The following DGKB variants were observed in gnomAD, a reference collection of about 807,000 sequenced individuals.
The protein encoded by DGKB is 90 kDa diacylglycerol kinase.
A neutral mutation model predicts 114.3 loss-of-function variants in DGKB; 67 were observed. The observed-to-expected ratio is 0.59, with a 90% CI of 0.48 to 0.72. DGKB has a LOEUF of 0.72. DGKB is among the 30% of genes least tolerant of loss of function. The probability of loss-of-function intolerance (pLI) is 0.00; values close to 1 mark genes in which losing one functional copy is unlikely to be tolerated. For synonymous variants in DGKB, 398 were observed against 323.1 expected (o/e 1.23, Z -2.49); for missense variants, 907 against 975.2 (o/e 0.93, Z 0.93).
chr7:14,528,164 C>A lies in DGKB; in HGVS notation c.1770+46048G>T, dbSNP rs1362151026. Among the ~76,000 whole-genome samples, 3 of 152,052 alleles carry A rather than the reference C, an allele frequency of 2.0e-5. No individual in the cohort carries two copies. The East Asian group carries it at 5.8e-4, about 29-fold the overall frequency. Reference sequence around the variant, plus strand: ...CATATTTTGTATTCATTTGCCAAGTCAAAAATCTTAAAAGCCAGTCACCAC... The same window carrying A: ...CATATTTTGTATTCATTTGCCAAGTAAAAAATCTTAAAAGCCAGTCACCAC... On this transcript the variant is annotated intron_variant, in intron 20 of 25. Transcript: ENST00000402815.
chr7:14,730,083 G>C (rs1026152847), intron 5 of DGKB, among the ~76,000 whole-genome samples: 2 of 152,156 alleles, frequency 1.3e-5, no homozygotes, highest in Non-Finnish European at 2.9e-5. Flanking sequence ...TTTGGACATT[G>C]TGTAGTCCAA....
Position 14,819,600 on chromosome 7 carries a change from AAAT to A in DGKB, c.70+21591_70+21593del, listed in dbSNP as rs1220168168. 1.3e-5 allele frequency among the ~76,000 whole-genome samples: 2 copies of A among 152,144 alleles called. 1 individual carries two copies. Among genetic ancestry groups the A allele is most frequent in the Non-Finnish European group, 2.9e-5 (2 of 68,026 alleles). On this transcript the variant is annotated intron_variant, in intron 2 of 25. Coordinates refer to ENST00000402815, the MANE Select transcript of DGKB (RefSeq NM_001350709.2). ...GTGAGACACAGTCTAAAAAATGTAA[AAAT>A]AAAATAATAATAATAATTGCTAGTA...
In DGKB at chr7:14,673,701, A is replaced by G. The variant is rs145832922; in HGVS notation, c.1036-674T>C. ...TAATATTTTTATTAACCTGGTCATA[A>G]GTTTACATTAAGGTGTTACAACGTG... On this transcript the variant is annotated intron_variant, in intron 12 of 25. Coordinates refer to ENST00000402815, the MANE Select transcript of DGKB (RefSeq NM_001350709.2). Among the ~76,000 whole-genome samples the G allele has an allele frequency of 4.1e-3, 628 of 152,172 alleles. 6 individuals carry two copies. Among genetic ancestry groups the G allele is most frequent in the African/African-American group, 0.014 (595 of 41,536 alleles).
At chr7:14,254,815 C>A (rs879534750) in intron 23 of DGKB, among the ~76,000 whole-genome samples, 4 of 152,038 alleles carry the variant, frequency 2.6e-5, no homozygotes, top group Admixed American at 1.3e-4. Context: ...AAAATAGAAC[C>A]CATCTGAGAT....
chr7:14,342,661 G>A (rs952509701), intron 22 of DGKB, among the ~76,000 whole-genome samples: 3 of 151,756 alleles, frequency 2.0e-5, no homozygotes, highest in Non-Finnish European at 4.4e-5. Context: ...TGAAGAAAAT[G>A]TTTATCTCTG....
intron 2 of DGKB, among the ~76,000 whole-genome samples, chr7:14,831,497 G>T (rs1193501207): frequency 6.6e-6 from 1 of 151,952 alleles, no homozygotes; most frequent in Non-Finnish European, 1.5e-5. Context: ...CTTTATAAAA[G>T]ACTCAGATTC....
At position 14,928,462 on chromosome 7, in the gene DGKB, C is replaced by G. The variant is rs111699101; in HGVS notation, c.-188+46234G>C. 7.2e-3 allele frequency among the ~76,000 whole-genome samples: 1,091 copies of G among 151,926 alleles called. 17 individuals carry two copies. Among genetic ancestry groups the G allele is most frequent in the African/African-American group, 0.025 (1,040 of 41,504 alleles). ...CATATTTTTATGTTACAGAATTTCT[C>G]TGTTCTTTCACAAATAAATACTTTT... On this transcript the variant is annotated intron_variant, in intron 1 of 4. Transcript: ENST00000437998.
chr7:14,361,456 G>T (rs1815724064), intron 21 of DGKB, among the ~76,000 whole-genome samples: 1 of 151,856 alleles, frequency 6.6e-6, no homozygotes, highest in Non-Finnish European at 1.5e-5. Context: ...TTTTTGTCAT[G>T]GATTTACATC....
intron 1 of DGKB, among the ~76,000 whole-genome samples, chr7:14,911,792 A>G (rs1241182426): frequency 6.6e-6 from 1 of 152,224 alleles, no homozygotes; most frequent in Non-Finnish European, 1.5e-5. Flanking sequence ...CAGATGGGAG[A>G]CCAAAGATGT....
intron 1 of DGKB, among the ~76,000 whole-genome samples, chr7:14,927,344 G>C (rs150967575): frequency 6.6e-6 from 1 of 152,064 alleles, no homozygotes; most frequent in African/African-American, 2.4e-5. Context: ...ATTTAAGTTT[G>C]AAACACTTTA....
At chr7:14,209,356 A>G (rs1316291653) in intron 23 of DGKB, 2 of 425,644 alleles carry the variant, frequency 4.7e-6, no homozygotes, top group African/African-American at 2.1e-5. Flanking sequence ...AAGATTGGGT[A>G]TTTGGAAAGA....
chr7:14,387,117 T>TTTA (rs146009879), intron 21 of DGKB, among the ~76,000 whole-genome samples: 18,411 of 147,892 alleles, frequency 0.12, 1,430 homozygotes, highest in East Asian at 0.28. Flanking sequence ...TATTTATTTA[T>TTTA]TTATTTATTT....
At chr7:14,688,496 C>T (rs1422952414) in intron 9 of DGKB, among the ~76,000 whole-genome samples, 2 of 152,166 alleles carry the variant, frequency 1.3e-5, no homozygotes, top group East Asian at 1.9e-4. Flanking sequence ...TTATCACCCT[C>T]ATTGGGTTGT....
intron 13 of DGKB, among the ~76,000 whole-genome samples, chr7:14,669,788 G>A (rs1818647137): frequency 1.3e-5 from 2 of 152,078 alleles, no homozygotes; most frequent in South Asian, 2.1e-4. Context: ...GTACTAAAGT[G>A]TCACATAATC....
chr7:14,859,066 A>C (rs1253456204), intron 1 of DGKB, among the ~76,000 whole-genome samples: 1 of 152,142 alleles, frequency 6.6e-6, no homozygotes, highest in African/African-American at 2.4e-5. Flanking sequence ...AAGTGGAATC[A>C]AAGTCTGACC....
At chr7:14,751,834 G>C (rs2128435525) in intron 4 of DGKB, among the ~76,000 whole-genome samples, 1 of 152,286 alleles carries the variant, frequency 6.6e-6, no homozygotes, top group East Asian at 1.9e-4. Context: ...GAATTTGTTG[G>C]TGGTATATCT....
chr7:14,373,437 A>G (rs759818970), intron 21 of DGKB, among the ~76,000 whole-genome samples: 12 of 152,212 alleles, frequency 7.9e-5, no homozygotes, highest in Admixed American at 1.3e-4. Flanking sequence ...CATAAAGTAA[A>G]TAAAATTTTA....
Position 14,740,031 on chromosome 7 carries a change from G to T in DGKB, c.169-3837C>A, listed in dbSNP as rs150082804. ...CAGCCATGCAGGGCGGGACTGAGCCGCAGCTGCTGCCCAGGCCCCAGGGCA... is the reference window on the plus strand; with the variant it reads ...CAGCCATGCAGGGCGGGACTGAGCCTCAGCTGCTGCCCAGGCCCCAGGGCA... On this transcript the variant is annotated intron_variant, in intron 4 of 25. Coordinates refer to ENST00000402815, the MANE Select transcript of DGKB (RefSeq NM_001350709.2). Among the ~76,000 whole-genome samples the T allele has an allele frequency of 3.8e-3, 580 of 152,334 alleles. 4 individuals are homozygous for T. The highest frequency in any genetic ancestry group is 6.8e-3 in the Middle Eastern group (2 of 294).
rs145349934 is a variant in DGKB, at chr7:14,149,248, AAGAGAG to A, written c.2305-16_2305-11del. The A allele has an allele frequency of 2.1e-4, 323 of 1,535,838 alleles. No homozygotes were observed. The African/African-American group carries it at 3.6e-3, about 17-fold the overall frequency. On this transcript the variant is annotated splice_polypyrimidine_tract_variant and intron_variant, in intron 25 of 25. Transcript: ENST00000402815. ...TGTGTGTAATTTTTATCTAGAAAAA[AAGAGAG>A]AGAGAGAGAGAGAAAGAATAGAGTA...
Sources: allele counts gnomAD v4.1 joint callset (sites outside exome capture counted in the v4.1 genomes callset), GRCh38; gene constraint gnomAD v4.1.1; transcripts MANE v1.5; gene names NCBI Gene and HGNC (gene_info 2026-07-23, HGNC 2026-07-21).